Variants in PCDHGA5 observed in about 807,000 individuals in gnomAD.
PCDHGA5 encodes protocadherin gamma subfamily A, 5.
PCDHGA5 carries 36 observed loss-of-function variants against 56.7 expected under a neutral mutation model. The observed-to-expected ratio is 0.64, with a 90% CI of 0.49 to 0.84. PCDHGA5 has a LOEUF of 0.84. Among genes scored for constraint, PCDHGA5 ranks in the 40% least tolerant of loss-of-function variants. The pLI, the probability that PCDHGA5 is intolerant of heterozygous loss-of-function variation, is 0.00. For synonymous variants in PCDHGA5, 563 were observed against 520.2 expected, an observed-to-expected ratio of 1.08 and a Z score of -1.12; for missense variants, 1,305 against 1,201.5, an observed-to-expected ratio of 1.09 and a Z score of -1.27.
intron 1 of PCDHGA5, among the ~76,000 whole-genome samples, chr5:141,458,695 G>A (rs551105765): frequency 2.0e-5 from 3 of 151,852 alleles, no homozygotes; most frequent in Non-Finnish European, 2.9e-5. Context: ...TCAGCCTCCC[G>A]AGTAGCTGGG....
chr5:141,485,935 C>A lies in PCDHGA5; in HGVS notation c.2422-8872C>A. The stretch of plus-strand genomic sequence containing the variant: ...GCTACAGGATTAGTGTGTTGGAGAG[C>A]GCACCAGCGGGCATGGTGCTCATCC... On this transcript the variant is annotated intron_variant, in intron 1 of 3. Coordinates refer to ENST00000518069, the MANE Select transcript of PCDHGA5 (RefSeq NM_018918.3). This position sits in a 1 kb window ranked among gnomAD's most constrained non-coding sequence, Gnocchi z 5.7. The A allele has an allele frequency of 3.1e-6, 5 of 1,614,144 alleles. No homozygotes were observed. Among genetic ancestry groups the A allele is most frequent in the Non-Finnish European group, 3.4e-6 (4 of 1,180,030 alleles).
intron 1 of PCDHGA5, chr5:141,423,486 C>G: frequency 6.2e-7 from 1 of 1,613,952 alleles, no homozygotes; most frequent in Non-Finnish European, 8.5e-7. Context: ...TCCTGCAAAC[C>G]TATTCCCACG....
intron 1 of PCDHGA5, chr5:141,403,959 C>T (rs1415465011): frequency 2.5e-6 from 4 of 1,613,568 alleles, no homozygotes; most frequent in Non-Finnish European, 3.4e-6. Context: ...GTGCTCATTT[C>T]GGTGGAAGAT....
rs756787528 is a variant in PCDHGA5 at position 141,365,821 on chromosome 5, G to A, written c.1491G>A (p.Gln497=). ...ACTCCCTGGCTGAAGACACATTTCA[G>A]GGGGCGCCCTTGTCCTCCTATGTAT... ...VTYSLAEDTF[Q]GAPLSSYVSI... Residue 497 remains glutamine (Q), a synonymous_variant, in exon 1 of 4, where the codon CAG becomes CAA. Coordinates refer to ENST00000518069, the MANE Select transcript of PCDHGA5 (RefSeq NM_018918.3). 1 of 1,613,908 alleles carries A rather than the reference G, an allele frequency of 6.2e-7. No individual in the cohort carries two copies. The highest frequency in any genetic ancestry group is 8.5e-7 in the Non-Finnish European group (1 of 1,179,884).
chr5:141,470,242 T>G (rs1301513342), intron 1 of PCDHGA5, among the ~76,000 whole-genome samples: 1 of 152,226 alleles, frequency 6.6e-6, no homozygotes, highest in African/African-American at 2.4e-5. Flanking sequence ...CCCTTGAATG[T>G]CCCACCTGTC....
chr5:141,455,283 C>G (rs1225185590), intron 1 of PCDHGA5, among the ~76,000 whole-genome samples: 1 of 152,000 alleles, frequency 6.6e-6, no homozygotes, highest in East Asian at 1.9e-4. Context: ...ATTAACATCA[C>G]TTTACATAGT....
At chr5:141,426,407 C>T (rs974898367) in intron 1 of PCDHGA5, 5 of 257,632 alleles carry the variant, frequency 1.9e-5, no homozygotes, top group African/African-American at 6.6e-5. Context: ...CCAGAAGAAA[C>T]GGTCCAGGGC....
At chr5:141,412,057 T>C (rs1426056647) in intron 1 of PCDHGA5, 1 of 152,202 alleles carries the variant, frequency 6.6e-6, no homozygotes, top group Non-Finnish European at 1.5e-5. Flanking sequence ...TCTATACCCT[T>C]TGCATTTGAG....
At position 141,438,276 on chromosome 5, in the gene PCDHGA5, ATAATT is replaced by A. The variant is rs533892835; in HGVS notation, c.2422-56526_2422-56522del. ...TGAAGAGACCATAGAATCAAACAAA[ATAATT>A]TAATCTGTATGTAAAAGAAGTTGGT... On this transcript the variant is annotated intron_variant, in intron 1 of 3. Coordinates refer to ENST00000518069, the MANE Select transcript of PCDHGA5 (RefSeq NM_018918.3). 1.4e-3 allele frequency among the ~76,000 whole-genome samples: 213 copies of A among 152,246 alleles called. 1 individual carries two copies. The highest frequency in any genetic ancestry group is 4.8e-3 in the African/African-American group (199 of 41,534).
chr5:141,399,562 T>G (rs764432886), intron 1 of PCDHGA5: 1 of 1,613,898 alleles, frequency 6.2e-7, no homozygotes, highest in East Asian at 2.2e-5. Flanking sequence ...GGACTTGGGG[T>G]TGAACGGCCA....
chr5:141,445,303 G>A (rs145466142), intron 1 of PCDHGA5, among the ~76,000 whole-genome samples: 327 of 152,332 alleles, frequency 2.1e-3, no homozygotes, highest in African/African-American at 7.6e-3. Context: ...ATTCTCTTCA[G>A]TTTGTAGGTT....
intron 1 of PCDHGA5, chr5:141,418,077 T>C (rs770464447): frequency 6.8e-6 from 11 of 1,613,914 alleles, no homozygotes; most frequent in Non-Finnish European, 8.5e-6. Flanking sequence ...GCGGAGAAGC[T>C]GCACTTCAGC....
intron 1 of PCDHGA5, chr5:141,405,016 C>T: frequency 6.2e-7 from 1 of 1,614,006 alleles, no homozygotes; most frequent in Non-Finnish European, 8.5e-7. Flanking sequence ...AGGCCTCAGA[C>T]CTTACCCTCT....
At position 141,460,912 on chromosome 5, in the gene PCDHGA5, G is replaced by GTA. The variant is rs34683754; in HGVS notation, c.2422-33883_2422-33882dup. ...TCGTGGCTGAGTAATATTCCATGGT[G>GTA]TATATATATATATGTGTGTGTGTAT... On this transcript the variant is annotated intron_variant, in intron 1 of 3. Coordinates refer to ENST00000518069, the MANE Select transcript of PCDHGA5 (RefSeq NM_018918.3). Among the ~76,000 whole-genome samples, 731 of 149,318 alleles carry GTA rather than the reference G, an allele frequency of 4.9e-3. 9 individuals carry two copies. Among genetic ancestry groups the GTA allele is most frequent in the African/African-American group, 0.016 (631 of 40,624 alleles).
chr5:141,495,069 T>G (rs1179878936), intron 2 of PCDHGA5, among the ~76,000 whole-genome samples: 1 of 152,142 alleles, frequency 6.6e-6, no homozygotes, highest in African/African-American at 2.4e-5. Flanking sequence ...GGAAGCTCAA[T>G]TCACATGCTT....
intron 3 of PCDHGA5, among the ~76,000 whole-genome samples, chr5:141,507,802 T>G (rs886950696): frequency 6.6e-6 from 1 of 152,204 alleles, no homozygotes; most frequent in African/African-American, 2.4e-5. Context: ...GCCTGCGCCC[T>G]GGGGAACGGA....
At chr5:141,400,003 C>G (rs2093938557) in intron 1 of PCDHGA5, 1 of 1,612,278 alleles carries the variant, frequency 6.2e-7, no homozygotes, top group Non-Finnish European at 8.5e-7. Context: ...GCGCACAGCG[C>G]GTGCCTTGGG....
Position 141,432,014 on chromosome 5 carries a change from AACATC to A in PCDHGA5, c.2422-62789_2422-62785del. ...GGATAGGGAACAGGTTCCTAGCTAC[AACATC>A]ACAGTGACCGCCACTGACCGGGGAA... On this transcript the variant is annotated intron_variant, in intron 1 of 3. Transcript: ENST00000518069. This position sits in a 1 kb window ranked among gnomAD's most constrained non-coding sequence, Gnocchi z 6.0. 6.2e-7 allele frequency: 1 copy of A among 1,614,078 alleles called. No individual in the cohort carries two copies. The highest frequency in any genetic ancestry group is 8.5e-7 in the Non-Finnish European group (1 of 1,180,036).
intron 1 of PCDHGA5, chr5:141,384,357 G>A (rs1226263341): frequency 1.2e-6 from 2 of 1,613,734 alleles, no homozygotes; most frequent in African/African-American, 2.7e-5. Flanking sequence ...ATAATGCCCA[G>A]ATCACTTATT....
Sources: gnomAD v4.1 joint callset for allele counts (sites outside exome capture counted in the v4.1 genomes callset) on GRCh38, gnomAD v4.1.1 for gene constraint, Gnocchi (gnomAD v3.1) non-coding constraint, MANE v1.5 for transcripts, NCBI Gene and HGNC (gene_info 2026-07-23, HGNC 2026-07-21) for gene names.